The following GATAD2A variants were observed in gnomAD, a reference collection of about 807,000 sequenced individuals.
GATAD2A encodes GATA zinc finger domain containing 2A.
GATAD2A carries 12 observed loss-of-function variants against 68.5 expected under a neutral mutation model. The observed-to-expected ratio is 0.18, with a 90% confidence interval of 0.11 to 0.28. The LOEUF (loss-of-function observed/expected upper bound fraction) is 0.28. Among genes scored for constraint, GATAD2A ranks in the 10% least tolerant of loss-of-function variants. The pLI, the probability that GATAD2A is intolerant of heterozygous loss-of-function variation, is 1.00. For synonymous variants in GATAD2A, 410 were observed against 375.3 expected, an observed-to-expected ratio of 1.09 and a Z score of -1.07; for missense variants, 755 against 868.5, an observed-to-expected ratio of 0.87 and a Z score of 1.64.
intron 1 of GATAD2A, among the ~76,000 whole-genome samples, chr19:19,412,874 T>C (rs1031775159): frequency 7.2e-5 from 11 of 152,168 alleles, no homozygotes; most frequent in Non-Finnish European, 1.6e-4. Flanking sequence ...CAATTTACGA[T>C]GGATTGACTT....
At chr19:19,496,869 G>A (rs1032589581) in intron 7 of GATAD2A, among the ~76,000 whole-genome samples, 3 of 152,282 alleles carry the variant, frequency 2.0e-5, no homozygotes, top group African/African-American at 4.8e-5. Context: ...GGGCGTGTTC[G>A]CTCTTTCTTC....
chr19:19,505,172 T>TG (rs111762799), intron 11 of GATAD2A, among the ~76,000 whole-genome samples, 172 bp from the exon 12 acceptor site: 23,992 of 151,996 alleles, frequency 0.16, 2,009 homozygotes, highest in Middle Eastern at 0.27. Flanking sequence ...TCTTCAGCTC[T>TG]GGGGGGGCCT....
At chr19:19,426,917 AC>A (rs2147353240) in intron 1 of GATAD2A, among the ~76,000 whole-genome samples, 1 of 152,288 alleles carries the variant, frequency 6.6e-6, no homozygotes, top group South Asian at 2.1e-4. Context: ...GAGTTTCAGA[AC>A]CATGCTTTGT....
intron 4 of GATAD2A, among the ~76,000 whole-genome samples, chr19:19,493,315 G>A (rs928564906): frequency 4.6e-5 from 7 of 152,210 alleles, no homozygotes; most frequent in Non-Finnish European, 5.9e-5. Flanking sequence ...GTTTCTGGGT[G>A]AAGCACTCTG....
At chr19:19,491,008 G>A (rs1424561007) in intron 2 of GATAD2A, among the ~76,000 whole-genome samples, 2 of 152,204 alleles carry the variant, frequency 1.3e-5, no homozygotes, top group African/African-American at 2.4e-5. Flanking sequence ...TTGGGTCAGC[G>A]ACACCACAGC....
chr19:19,409,241 A>G (rs920504756), intron 1 of GATAD2A, among the ~76,000 whole-genome samples: 5 of 152,074 alleles, frequency 3.3e-5, no homozygotes, highest in Admixed American at 3.3e-4. Context: ...TGTGCCATCA[A>G]ATGGAACAGG....
chr19:19,442,064 T>C (rs1237736862), intron 1 of GATAD2A, among the ~76,000 whole-genome samples: 1 of 149,154 alleles, frequency 6.7e-6, no homozygotes, highest in Non-Finnish European at 1.5e-5. Context: ...TTTCTCCATG[T>C]TGGTCAGGCT....
chr19:19,446,851 A>G (rs926125327), intron 1 of GATAD2A, among the ~76,000 whole-genome samples: 2 of 152,120 alleles, frequency 1.3e-5, no homozygotes, highest in African/African-American at 4.8e-5. Flanking sequence ...GGGCCACTGC[A>G]TAGTGCCTGG....
intron 1 of GATAD2A, among the ~76,000 whole-genome samples, chr19:19,389,031 C>T (rs2048661217): frequency 6.6e-6 from 1 of 151,934 alleles, no homozygotes. Context: ...TGGCCTGGCC[C>T]AAAAGGAACT....
At chr19:19,492,733 C>T (rs780806110) in intron 4 of GATAD2A, 21 bp downstream of exon 4, 2 of 1,613,424 alleles carry the variant, frequency 1.2e-6, no homozygotes, top group African/African-American at 1.3e-5. Flanking sequence ...GTCTCCCCTC[C>T]TTCCTGGGCC....
chr19:19,502,036 T>C lies in GATAD2A; in HGVS notation c.1571T>C (p.Val524Ala). ...GEARDWSNGA[V>A]LQASSQLSRG... ...GCCCGCGACTGGAGTAACGGGGCTG[T>C]GCTACAGGTCAGAACCGCACTGGGC... The change falls in exon 10 of 12, where the codon GTG becomes GCG. Residue 524 changes from valine to alanine, a missense_variant. Physicochemically the swap from Val to Ala is moderately conservative, Grantham distance 64. Coordinates refer to ENST00000683918, the MANE Select transcript of GATAD2A (RefSeq NM_001384528.1). 2.5e-6 allele frequency: 4 copies of C among 1,613,184 alleles called. No individual in the cohort carries two copies. The highest frequency in any genetic ancestry group is 2.5e-6 in the Non-Finnish European group (3 of 1,179,422).
chr19:19,400,752 A>G (rs2049652038), upstream of GATAD2A, among the ~76,000 whole-genome samples: 1 of 152,110 alleles, frequency 6.6e-6, no homozygotes, highest in South Asian at 2.1e-4. Flanking sequence ...ATTTGGGGTG[A>G]AATAAGAAAC....
Position 19,495,284 on chromosome 19 carries a change from A to G in GATAD2A, c.625-470A>G, listed in dbSNP as rs2060066275. Among the ~76,000 whole-genome samples, 3 of 150,692 alleles carry G rather than the reference A, an allele frequency of 2.0e-5. No homozygotes were observed. The East Asian group carries it at 5.9e-4, about 30-fold the overall frequency. On this transcript the variant is annotated intron_variant, in intron 5 of 11. Transcript: ENST00000683918. The stretch of plus-strand genomic sequence containing the variant: ...GTTGGAATTACAGGCGTGAGCCACC[A>G]CACCCAGCCAGCTTTTTTTTCTTTT...
intron 1 of GATAD2A, among the ~76,000 whole-genome samples, chr19:19,443,735 A>G (rs2055371040): frequency 6.6e-6 from 1 of 152,022 alleles, no homozygotes; most frequent in Non-Finnish European, 1.5e-5. Flanking sequence ...AAGTGTGAAA[A>G]TTGGGTTTGG....
At chr19:19,437,559 G>A (rs1436504460) in intron 1 of GATAD2A, among the ~76,000 whole-genome samples, 1 of 152,054 alleles carries the variant, frequency 6.6e-6, no homozygotes, top group Non-Finnish European at 1.5e-5. Context: ...TATCCCAAAA[G>A]GAAACAGCAT....
chr19:19,463,948 T>A (rs951919193), intron 1 of GATAD2A, among the ~76,000 whole-genome samples: 6 of 152,234 alleles, frequency 3.9e-5, no homozygotes, highest in Non-Finnish European at 7.3e-5. Flanking sequence ...GGCCTTGCGC[T>A]ATTGCTCATT....
chr19:19,434,393 A>G (rs1435762458), intron 1 of GATAD2A, among the ~76,000 whole-genome samples: 1 of 152,082 alleles, frequency 6.6e-6, no homozygotes, highest in African/African-American at 2.4e-5. Context: ...CTTCCTGAGG[A>G]GCTAGCCCTG....
chr19:19,456,091 T>C (rs2056897825), intron 1 of GATAD2A, among the ~76,000 whole-genome samples: 1 of 151,028 alleles, frequency 6.6e-6, no homozygotes, highest in Non-Finnish European at 1.5e-5. Flanking sequence ...GAGGCAGAGT[T>C]TGCAGTGAGC....
Position 19,422,437 on chromosome 19 carries a change from C to T in GATAD2A, c.-7+16418C>T, listed in dbSNP as rs149459038. On this transcript the variant is annotated intron_variant, in intron 1 of 11. Coordinates refer to ENST00000683918, the MANE Select transcript of GATAD2A (RefSeq NM_001384528.1). ...CAGAACTCCTCCTAGCTGGCAGAGC[C>T]CCACGTCCACCTGGCACCTGCTTTC... 9.9e-5 allele frequency among the ~76,000 whole-genome samples: 15 copies of T among 152,230 alleles called. No homozygotes were observed. In the East Asian group the frequency reaches 2.5e-3, roughly 26 times the overall value.
Sources: allele counts gnomAD v4.1 joint callset (sites outside exome capture counted in the v4.1 genomes callset), GRCh38; gene constraint gnomAD v4.1.1; transcripts MANE v1.5; gene names NCBI Gene and HGNC (gene_info 2026-07-23, HGNC 2026-07-21).